CLASP1: variants seen among roughly 807,000 people sequenced by gnomAD.
CLASP1 encodes the protein CLIP-associating protein 1.
In CLASP1, 38 loss-of-function variants were observed where a neutral mutation model predicts 192.3. The observed-to-expected ratio is 0.20, with a 90% CI of 0.15 to 0.26. The LOEUF (loss-of-function observed/expected upper bound fraction) is 0.26, where lower values mean the gene tolerates loss of function less well. Ranked by LOEUF, CLASP1 falls within the 10% of genes least tolerant of loss-of-function variation. CLASP1 has a pLI of 1.00. For missense variants in CLASP1, 1,433 were observed against 1,932.5 expected, an observed-to-expected ratio of 0.74 and a Z score of 4.85; for synonymous variants, 691 against 712.8, an observed-to-expected ratio of 0.97 and a Z score of 0.49.
At chr2:121,495,297 TG>T (rs1196343618) in intron 8 of CLASP1, among the ~76,000 whole-genome samples, 1 of 150,948 alleles carries the variant, frequency 6.6e-6, no homozygotes, top group Non-Finnish European at 1.5e-5. Flanking sequence ...CCCTCCAGCC[TG>T]GGCGACAGAG....
chr2:121,485,185 C>T (rs2092888853), intron 8 of CLASP1, among the ~76,000 whole-genome samples: 1 of 152,138 alleles, frequency 6.6e-6, no homozygotes, highest in Admixed American at 6.5e-5. Context: ...CTGTCATGGA[C>T]ATGGAATTTA....
chr2:121,577,586 A>G (rs1318533280), intron 2 of CLASP1, among the ~76,000 whole-genome samples: 4 of 152,094 alleles, frequency 2.6e-5, no homozygotes, highest in Admixed American at 2.0e-4. Flanking sequence ...TAGGCAAGTT[A>G]TTTTCCTCAC....
At chr2:121,556,041 T>A (rs1039051060) in intron 2 of CLASP1, among the ~76,000 whole-genome samples, 9 of 123,036 alleles carry the variant, frequency 7.3e-5, no homozygotes, top group African/African-American at 2.8e-4. Flanking sequence ...TGGAATGCAG[T>A]GGCATGATCT....
At chr2:121,391,900 TCAA>T (rs1208348216) in intron 30 of CLASP1, among the ~76,000 whole-genome samples, 2 of 152,130 alleles carry the variant, frequency 1.3e-5, no homozygotes, top group African/African-American at 4.8e-5. Flanking sequence ...CGAGACTGTC[TCAA>T]CAACAACAAA....
At chr2:121,530,585 T>G (rs1462602121) in intron 2 of CLASP1, 6 of 532,418 alleles carry the variant, frequency 1.1e-5, no homozygotes, top group African/African-American at 1.9e-5. Flanking sequence ...CCGGGTTAGC[T>G]GCGGGTGGAG....
At chr2:121,608,256 T>A (rs1430038274) in intron 1 of CLASP1, among the ~76,000 whole-genome samples, 1 of 152,236 alleles carries the variant, frequency 6.6e-6, no homozygotes, top group East Asian at 1.9e-4. Context: ...CTGGACCTAC[T>A]ATTAGTCCAA....
At chr2:121,530,806 G>A (rs548032854) in intron 2 of CLASP1, 56 of 622,822 alleles carry the variant, frequency 9.0e-5, no homozygotes, top group South Asian at 8.8e-4. Flanking sequence ...ACTAGGGCGA[G>A]GCTCACGAAT....
At chr2:121,580,267 CTT>C (rs1420175398) in intron 2 of CLASP1, among the ~76,000 whole-genome samples, 1 of 152,150 alleles carries the variant, frequency 6.6e-6, no homozygotes, top group Non-Finnish European at 1.5e-5. Context: ...TACAACAAAT[CTT>C]TTATTTCTTC....
At chr2:121,404,537 G>T in intron 25 of CLASP1, 103 bp from the exon 27 acceptor site, 2 of 1,012,396 alleles carry the variant, frequency 2.0e-6, no homozygotes, top group Non-Finnish European at 1.5e-6. Flanking sequence ...TGCGATCATA[G>T]CTCACTACAG....
chr2:121,428,683 T>C (rs2080876551), intron 20 of CLASP1, among the ~76,000 whole-genome samples: 1 of 152,226 alleles, frequency 6.6e-6, no homozygotes, highest in Non-Finnish European at 1.5e-5. Flanking sequence ...TATCCTGAAC[T>C]GCATCCCTCA....
chr2:121,530,918 G>T (rs772360964), intron 2 of CLASP1: 2 of 699,626 alleles, frequency 2.9e-6, no homozygotes, highest in Admixed American at 2.0e-5. Context: ...TGTCCAATGA[G>T]CGCATAGTGA....
intron 2 of CLASP1, among the ~76,000 whole-genome samples, chr2:121,540,904 G>A (rs2095219088): frequency 6.6e-6 from 1 of 152,168 alleles, no homozygotes; most frequent in Non-Finnish European, 1.5e-5. Flanking sequence ...ACTTAGGGGA[G>A]TCCTGGTGGC....
chr2:121,381,135 T>A (rs1489935214), intron 33 of CLASP1, among the ~76,000 whole-genome samples: 1 of 152,202 alleles, frequency 6.6e-6, no homozygotes, highest in Non-Finnish European at 1.5e-5. Context: ...GGGTTCTCTG[T>A]ACATTTTAGA....
At chr2:121,474,784 G>A (rs537384408) in intron 8 of CLASP1, among the ~76,000 whole-genome samples, 14 of 152,192 alleles carry the variant, frequency 9.2e-5, no homozygotes, top group African/African-American at 3.4e-4. Context: ...CCAATGTAGG[G>A]CTTTTTAAAC....
chr2:121,522,618 C>T (rs2094483274), intron 6 of CLASP1, among the ~76,000 whole-genome samples: 1 of 152,112 alleles, frequency 6.6e-6, no homozygotes, highest in South Asian at 2.1e-4. Context: ...AGATGTAATC[C>T]ATTTAAATGT....
chr2:121,467,568 T>G (rs2089890896), intron 9 of CLASP1, among the ~76,000 whole-genome samples: 1 of 152,246 alleles, frequency 6.6e-6, no homozygotes, highest in African/African-American at 2.4e-5. Flanking sequence ...ATGTTGAGCT[T>G]TTTTTCATGT....
At chr2:121,432,846 C>T (rs747761912) in intron 19 of CLASP1, among the ~76,000 whole-genome samples, 1 of 152,062 alleles carries the variant, frequency 6.6e-6, no homozygotes, top group Non-Finnish European at 1.5e-5. Flanking sequence ...GAATAACACC[C>T]ACAAATAACT....
At chr2:121,367,063 C>A (rs1449618314) in intron 35 of CLASP1, among the ~76,000 whole-genome samples, 1 of 152,218 alleles carries the variant, frequency 6.6e-6, no homozygotes, top group Admixed American at 6.5e-5. Flanking sequence ...CAAACCCCTG[C>A]CTCCCAAATG....
In CLASP1 at chr2:121,530,926, T is replaced by TC. The variant is rs1260402651; in HGVS notation, c.196-602_196-601insG. The stretch of plus-strand genomic sequence containing the variant: ...GCGCTACTGTCCAATGAGCGCATAG[T>TC]GAGGGCAGTACTGCTAACGCCTGAA... On this transcript the variant is annotated intron_variant, in intron 2 of 39. Transcript: ENST00000263710. 4.3e-6 allele frequency: 3 copies of TC among 699,828 alleles called. No homozygotes were observed. The highest frequency in any genetic ancestry group is 1.7e-5 in the African/African-American group (1 of 57,160). The allele number at this position is 699,828 out of a possible 1,614,324, so 43.4% of individuals were successfully genotyped here.
Sources: allele counts gnomAD v4.1 joint callset (sites outside exome capture counted in the v4.1 genomes callset), GRCh38; gene constraint gnomAD v4.1.1; transcripts MANE v1.5; gene names NCBI Gene and HGNC (gene_info 2026-07-23, HGNC 2026-07-21).